Variants in CPNE4 observed in about 807,000 individuals in gnomAD.
The protein encoded by CPNE4 is copine-4.
A neutral mutation model predicts 67.9 loss-of-function variants in CPNE4; 25 were observed. The observed-to-expected ratio is 0.37, with a 90% CI of 0.27 to 0.51. The LOEUF (loss-of-function observed/expected upper bound fraction) is 0.51, where lower values mean the gene tolerates loss of function less well. CPNE4 is among the 20% of genes least tolerant of loss of function. The probability of loss-of-function intolerance (pLI) is 0.93; values close to 1 mark genes in which losing one functional copy is unlikely to be tolerated. For missense variants in CPNE4, 464 were observed against 690.8 expected (o/e 0.67, Z 3.68); for synonymous variants, 242 against 244.9 (o/e 0.99, Z 0.11).
chr3:131,695,076 T>G (rs890691491), intron 5 of CPNE4, among the ~76,000 whole-genome samples: 1 of 152,208 alleles, frequency 6.6e-6, no homozygotes, highest in Non-Finnish European at 1.5e-5. Flanking sequence ...ATCTTTATGT[T>G]ATCATTTTGC....
chr3:131,690,019 C>T (rs1283036978), intron 5 of CPNE4, among the ~76,000 whole-genome samples: 1 of 152,126 alleles, frequency 6.6e-6, no homozygotes, highest in Non-Finnish European at 1.5e-5. Flanking sequence ...AACTACAAAA[C>T]ACTGGTGAAA....
intron 6 of CPNE4, among the ~76,000 whole-genome samples, chr3:131,680,810 C>G (rs997668840): frequency 3.9e-5 from 6 of 152,076 alleles, no homozygotes. Flanking sequence ...AGTCTTTTAT[C>G]GCTCAACCCC....
chr3:131,886,294 C>T (rs1394209946), intron 2 of CPNE4, among the ~76,000 whole-genome samples: 5 of 152,204 alleles, frequency 3.3e-5, no homozygotes, highest in Admixed American at 2.0e-4. Context: ...GCAGCTTCCA[C>T]GTGGTGTTGA....
At chr3:131,689,476 A>G (rs2080976879) in intron 5 of CPNE4, among the ~76,000 whole-genome samples, 1 of 152,186 alleles carries the variant, frequency 6.6e-6, no homozygotes, top group South Asian at 2.1e-4. Context: ...AGACGTAGGA[A>G]AAAAGGTTTT....
intron 2 of CPNE4, among the ~76,000 whole-genome samples, chr3:131,744,561 C>T (rs1236299096): frequency 9.9e-5 from 15 of 152,178 alleles, no homozygotes; most frequent in Non-Finnish European, 1.9e-4. Flanking sequence ...TCATGTTGCC[C>T]TTCTATAGTG....
chr3:131,940,239 T>G (rs554276532), intron 1 of CPNE4, among the ~76,000 whole-genome samples: 213 of 152,270 alleles, frequency 1.4e-3, no homozygotes, highest in African/African-American at 4.2e-3. Context: ...TCATACATAA[T>G]GTATGAATCT....
chr3:131,934,812 T>C (rs1239131426), intron 1 of CPNE4, among the ~76,000 whole-genome samples: 1 of 152,144 alleles, frequency 6.6e-6, no homozygotes, highest in Non-Finnish European at 1.5e-5. Flanking sequence ...GGGTGAAGTC[T>C]GGAGTACCTA....
At chr3:131,939,714 T>C (rs2071333992) in intron 1 of CPNE4, among the ~76,000 whole-genome samples, 1 of 152,126 alleles carries the variant, frequency 6.6e-6, no homozygotes, top group South Asian at 2.1e-4. Flanking sequence ...ACTTACTCGG[T>C]GTCAGGCACA....
intron 2 of CPNE4, among the ~76,000 whole-genome samples, chr3:131,879,136 G>C (rs2087569230): frequency 6.8e-6 from 1 of 146,330 alleles, no homozygotes; most frequent in Non-Finnish European, 1.5e-5. Flanking sequence ...GTGCGTGCTA[G>C]AAAGAGACAT....
chr3:131,663,254 G>A (rs2080172075), intron 7 of CPNE4, among the ~76,000 whole-genome samples: 1 of 151,884 alleles, frequency 6.6e-6, no homozygotes, highest in Admixed American at 6.6e-5. Flanking sequence ...AAGTCGGAGT[G>A]GAAAAATGAG....
At chr3:131,791,182 A>G (rs1475759378) in intron 2 of CPNE4, among the ~76,000 whole-genome samples, 1 of 152,234 alleles carries the variant, frequency 6.6e-6, no homozygotes, top group Non-Finnish European at 1.5e-5. Context: ...AATGAGATTC[A>G]GCCTCAAGTA....
intron 1 of CPNE4, among the ~76,000 whole-genome samples, chr3:132,021,569 T>TATGGACAA (rs1349240095): frequency 6.6e-6 from 1 of 152,198 alleles, no homozygotes; most frequent in African/African-American, 2.4e-5. Flanking sequence ...TGAAAGAAGC[T>TATGGACAA]ATGGACAACG....
intron 6 of CPNE4, among the ~76,000 whole-genome samples, chr3:131,677,480 G>T (rs553210406): frequency 2.0e-5 from 3 of 152,050 alleles, no homozygotes; most frequent in Non-Finnish European, 2.9e-5. Context: ...AATTGCTTTT[G>T]GCATCTTTAT....
chr3:131,912,581 G>A (rs879837765), intron 1 of CPNE4, among the ~76,000 whole-genome samples: 16 of 152,060 alleles, frequency 1.1e-4, no homozygotes, highest in Non-Finnish European at 1.2e-4. Flanking sequence ...ACATCCACTC[G>A]CTCAACCAGA....
chr3:132,037,048 T>C (rs1398845242), upstream of CPNE4, among the ~76,000 whole-genome samples: 3 of 152,196 alleles, frequency 2.0e-5, no homozygotes, highest in Admixed American at 6.5e-5. Flanking sequence ...GGGTTGTTCA[T>C]TGAAGCAGTC....
chr3:131,620,956 CAGT>C (rs1194094279), intron 7 of CPNE4, among the ~76,000 whole-genome samples: 5 of 152,132 alleles, frequency 3.3e-5, no homozygotes, highest in African/African-American at 1.2e-4. Flanking sequence ...AATTTTGTTA[CAGT>C]AGCAATAGGA....
At chr3:131,799,631 G>A (rs2084019627) in intron 2 of CPNE4, among the ~76,000 whole-genome samples, 1 of 152,078 alleles carries the variant, frequency 6.6e-6, no homozygotes, top group African/African-American at 2.4e-5. Context: ...AACCCTGAAT[G>A]AGGCTCTATC....
intron 2 of CPNE4, among the ~76,000 whole-genome samples, chr3:131,795,080 T>C (rs1294806192): frequency 1.3e-5 from 2 of 152,156 alleles, no homozygotes; most frequent in Non-Finnish European, 2.9e-5. Context: ...TTGAGAGAGG[T>C]GAAATATTCT....
intron 2 of CPNE4, among the ~76,000 whole-genome samples, chr3:131,794,184 T>C (rs2083857296): frequency 6.6e-6 from 1 of 152,084 alleles, no homozygotes; most frequent in Admixed American, 6.6e-5. Context: ...TGATCATCCT[T>C]CAGGGAACTT....
Sources: gnomAD v4.1 joint callset for allele counts (sites outside exome capture counted in the v4.1 genomes callset) on GRCh38, gnomAD v4.1.1 for gene constraint, MANE v1.5 for transcripts, NCBI Gene and HGNC (gene_info 2026-07-23, HGNC 2026-07-21) for gene names.